Variants in PCDHA3 observed in about 807,000 individuals in gnomAD.
PCDHA3 encodes protocadherin alpha 3.
A neutral mutation model predicts 62.2 loss-of-function variants in PCDHA3; 41 were observed. The observed-to-expected ratio is 0.66, with a 90% CI of 0.51 to 0.86. PCDHA3 has a LOEUF of 0.86. Ranked by LOEUF, PCDHA3 falls within the 40% of genes least tolerant of loss-of-function variation. PCDHA3 has a pLI of 0.00. For missense variants in PCDHA3, 1,304 were observed against 1,241.2 expected, an observed-to-expected ratio of 1.05 and a Z score of -0.76; for synonymous variants, 640 against 555.4, an observed-to-expected ratio of 1.15 and a Z score of -2.14.
rs2150336569 is a variant in PCDHA3 at position 140,842,461 on chromosome 5, T to C, written c.2394+38870T>C. 48 of 1,613,688 alleles carry C rather than the reference T, an allele frequency of 3.0e-5. 1 individual carries two copies. Among genetic ancestry groups the C allele is most frequent in the Middle Eastern group, 3.3e-4 (2 of 6,082 alleles). On this transcript the variant is annotated intron_variant, in intron 1 of 3. Coordinates refer to ENST00000522353, the MANE Select transcript of PCDHA3 (RefSeq NM_018906.3). ...TTAGCGTGAACGACCTCGATTCAGG[T>C]GCCAACGGGCAGGTGACCTGCTCCC...
At chr5:140,835,989 AGCGCGCGCGATGCG>A (rs2150249668) in intron 1 of PCDHA3, 4 of 1,613,288 alleles carry the variant, frequency 2.5e-6, no homozygotes. Context: ...GTTCCAGGTG[AGCGCGCGCGATGCG>A]GGCGTGCCGC....
chr5:140,929,064 T>A (rs550251743), intron 1 of PCDHA3: 1 of 1,614,162 alleles, frequency 6.2e-7, no homozygotes, highest in South Asian at 1.1e-5. Context: ...CTACAGAGGA[T>A]CTGAGGTATG....
At chr5:140,839,269 T>TA (rs1554137370) in intron 1 of PCDHA3, among the ~76,000 whole-genome samples, 3 of 152,098 alleles carry the variant, frequency 2.0e-5, no homozygotes, top group African/African-American at 7.2e-5. Flanking sequence ...CATGTATATT[T>TA]AAAACCTTCC....
intron 1 of PCDHA3, among the ~76,000 whole-genome samples, chr5:140,972,660 ATTTTTTTT>A (rs11350929): frequency 6.0e-5 from 7 of 117,270 alleles, no homozygotes; most frequent in African/African-American, 2.0e-4. Flanking sequence ...AAGAAACCAA[ATTTTTTTT>A]TTTTTTTTTT....
chr5:140,841,865 G>A, intron 1 of PCDHA3: 1 of 1,613,856 alleles, frequency 6.2e-7, no homozygotes, highest in Non-Finnish European at 8.5e-7. Context: ...CATGCTAGAT[G>A]TGAATTCAAA....
intron 1 of PCDHA3, among the ~76,000 whole-genome samples, chr5:140,956,672 G>A (rs571890845): frequency 1.3e-5 from 2 of 152,242 alleles, no homozygotes; most frequent in Admixed American, 1.3e-4. Context: ...AAAGGAGTTA[G>A]GGAGGAGTAC....
At chr5:140,945,722 A>G (rs2093833983) in intron 1 of PCDHA3, among the ~76,000 whole-genome samples, 1 of 152,110 alleles carries the variant, frequency 6.6e-6, no homozygotes, top group African/African-American at 2.4e-5. Context: ...TCAAGAATAT[A>G]CAATGGAAAA....
chr5:140,871,004 G>A, intron 1 of PCDHA3: 1 of 1,613,408 alleles, frequency 6.2e-7, no homozygotes, highest in Non-Finnish European at 8.5e-7. Context: ...AGCACAACGC[G>A]TGCCCTGGAC....
rs138893413 is a variant in PCDHA3, at chr5:140,976,899, T to C, written c.2395-2050T>C. Among the ~76,000 whole-genome samples, 191 of 152,340 alleles carry C rather than the reference T, an allele frequency of 1.3e-3. 1 individual carries two copies. The highest frequency in any genetic ancestry group is 4.3e-3 in the African/African-American group (179 of 41,576). ...AAGAATTAGGATACATGCAACAGTA[T>C]GTAATAAAGTGCAAAATCTAGTACT... On this transcript the variant is annotated intron_variant, in intron 1 of 3. Transcript: ENST00000522353.
chr5:140,805,046 AC>A, intron 1 of PCDHA3: 1 of 1,589,980 alleles, frequency 6.3e-7, no homozygotes, highest in East Asian at 2.2e-5. Context: ...CAGCCAAAGT[AC>A]TTGTCTTCCC....
chr5:140,873,149 T>C (rs2054128037), intron 1 of PCDHA3, among the ~76,000 whole-genome samples: 1 of 152,218 alleles, frequency 6.6e-6, no homozygotes, highest in Non-Finnish European at 1.5e-5. Flanking sequence ...AGCCTATTCA[T>C]AGACTTTAGA....
intron 3 of PCDHA3, among the ~76,000 whole-genome samples, chr5:140,993,609 T>C (rs1554253871): frequency 6.6e-6 from 1 of 152,078 alleles, no homozygotes; most frequent in African/African-American, 2.4e-5. Flanking sequence ...GAGAATTTTG[T>C]TGGGACCCTC....
At chr5:140,881,347 C>T in intron 1 of PCDHA3, 1 of 985,212 alleles carries the variant, frequency 1.0e-6, no homozygotes, top group Non-Finnish European at 1.2e-6. Context: ...ATTCGGGCTA[C>T]AATGCGTGGC....
chr5:140,906,669 A>G (rs2153496058), intron 1 of PCDHA3, among the ~76,000 whole-genome samples: 1 of 152,302 alleles, frequency 6.6e-6, no homozygotes. Context: ...GTAGTGACCC[A>G]AACCTTCATT....
Position 140,802,067 on chromosome 5 carries a change from G to T in PCDHA3, c.870G>T (p.Leu290=). The part of the protein sequence containing the change: ...SFNTDMSADI[L]SKFHLDPVNG... ...ATACGGACATGTCAGCAGATATTCT[G>T]TCAAAATTCCATTTAGATCCAGTCA... is the stretch of plus-strand genomic sequence containing the variant. Residue 290 remains leucine, a synonymous_variant, in exon 1 of 4, where the codon CTG becomes CTT. Coordinates refer to ENST00000522353, the MANE Select transcript of PCDHA3 (RefSeq NM_018906.3). 1 of 1,614,120 alleles carries T rather than the reference G, an allele frequency of 6.2e-7. No individual in the cohort carries two copies. Among genetic ancestry groups the T allele is most frequent in the East Asian group, 2.2e-5 (1 of 44,878 alleles).
chr5:140,956,597 C>T (rs1015881961), intron 1 of PCDHA3, among the ~76,000 whole-genome samples: 1 of 152,054 alleles, frequency 6.6e-6, no homozygotes, highest in African/African-American at 2.4e-5. Flanking sequence ...TCAGGGATAT[C>T]AGCTGGAAGT....
rs1334280981 is a variant in PCDHA3, at chr5:140,848,756, T to C, written c.2394+45165T>C. On this transcript the variant is annotated intron_variant, in intron 1 of 3. Coordinates refer to ENST00000522353, the MANE Select transcript of PCDHA3 (RefSeq NM_018906.3). ...TGCAGAATGGCATTTTGTTTGTGAATTCTCGGATCGACCGCGAGGAGCTGT... is the reference window on the plus strand; with the variant it reads ...TGCAGAATGGCATTTTGTTTGTGAACTCTCGGATCGACCGCGAGGAGCTGT... 2 of 1,593,258 alleles carry C rather than the reference T, an allele frequency of 1.3e-6. 1 individual carries two copies. Among genetic ancestry groups the C allele is most frequent in the Non-Finnish European group, 1.7e-6 (2 of 1,164,046 alleles).
chr5:140,980,608 G>A (rs994415170), intron 2 of PCDHA3, among the ~76,000 whole-genome samples: 6 of 151,850 alleles, frequency 4.0e-5, no homozygotes, highest in African/African-American at 7.3e-5. Context: ...CCAGCCTGGC[G>A]ACAGTGCGAG....
At chr5:140,851,386 G>A (rs1374142206) in intron 1 of PCDHA3, 1 of 975,080 alleles carries the variant, frequency 1.0e-6, no homozygotes, top group African/African-American at 1.8e-5. Flanking sequence ...GCAACCTTCA[G>A]TATCTATTAT....
Sources: gnomAD v4.1 joint callset for allele counts (sites outside exome capture counted in the v4.1 genomes callset) on GRCh38, gnomAD v4.1.1 for gene constraint, MANE v1.5 for transcripts, NCBI Gene and HGNC (gene_info 2026-07-23, HGNC 2026-07-21) for gene names.